Variants in GPC6 observed in about 807,000 individuals in gnomAD.
GPC6 encodes glypican-6.
A neutral mutation model predicts 55.2 loss-of-function variants in GPC6; 14 were observed. The ratio of observed to expected loss-of-function variants is 0.25; its 90% confidence interval spans 0.17 to 0.40. The LOEUF is 0.40. Among genes scored for constraint, GPC6 ranks in the 10% least tolerant of loss-of-function variants. The pLI, the probability that GPC6 is intolerant of heterozygous loss-of-function variation, is 1.00. For synonymous variants in GPC6, 278 were observed against 259.6 expected, an observed-to-expected ratio of 1.07 and a Z score of -0.68; for missense variants, 641 against 708.5, an observed-to-expected ratio of 0.90 and a Z score of 1.08.
intron 8 of GPC6, 41 bp from the exon 9 acceptor site, chr13:94,402,974 T>C (rs373225928): frequency 4.3e-6 from 6 of 1,383,586 alleles, no homozygotes; most frequent in Non-Finnish European, 4.1e-6. Flanking sequence ...AGCCTAAACA[T>C]ATCAGTGGTC....
chr13:93,335,949 T>A (rs749967265), intron 1 of GPC6, among the ~76,000 whole-genome samples: 1 of 152,228 alleles, frequency 6.6e-6, no homozygotes. Flanking sequence ...ACAAAACATA[T>A]AATACAGTGC....
intron 2 of GPC6, among the ~76,000 whole-genome samples, chr13:93,661,487 A>G (rs1880918505): frequency 6.6e-6 from 1 of 152,066 alleles, no homozygotes; most frequent in Non-Finnish European, 1.5e-5. Flanking sequence ...TGTGCTCGTG[A>G]GCCACCGTGC....
chr13:93,225,869 T>C (rs1010978645), upstream of GPC6, among the ~76,000 whole-genome samples: 16 of 152,350 alleles, frequency 1.1e-4, no homozygotes, highest in African/African-American at 3.8e-4. Context: ...CATAGCCACG[T>C]AAGTGAATAA....
intron 4 of GPC6, among the ~76,000 whole-genome samples, chr13:94,222,008 G>C (rs1890399434): frequency 6.6e-6 from 1 of 151,764 alleles, no homozygotes; most frequent in South Asian, 2.1e-4. Context: ...TCTAGTGATA[G>C]GGTTTTTTTT....
At chr13:93,759,560 A>AT (rs1382384187) in intron 2 of GPC6, among the ~76,000 whole-genome samples, 1 of 152,182 alleles carries the variant, frequency 6.6e-6, no homozygotes, top group Non-Finnish European at 1.5e-5. Flanking sequence ...TCCTATTGCC[A>AT]TAACTCACCT....
chr13:93,629,654 A>G (rs527747060), intron 2 of GPC6, among the ~76,000 whole-genome samples: 1 of 152,348 alleles, frequency 6.6e-6, no homozygotes, highest in South Asian at 2.1e-4. Flanking sequence ...TTTTATATCT[A>G]TGTCCAAAGA....
intron 3 of GPC6, among the ~76,000 whole-genome samples, chr13:93,948,635 C>A (rs533217442): frequency 3.3e-5 from 5 of 152,246 alleles, no homozygotes; most frequent in Non-Finnish European, 7.4e-5. Context: ...AGATGCAAGA[C>A]GTGTTCCTTT....
At chr13:93,909,475 A>G (rs1876849456) in intron 3 of GPC6, among the ~76,000 whole-genome samples, 1 of 152,200 alleles carries the variant, frequency 6.6e-6, no homozygotes, top group South Asian at 2.1e-4. Flanking sequence ...CTATCAAAAA[A>G]AAAGAAAAGT....
intron 3 of GPC6, among the ~76,000 whole-genome samples, chr13:93,997,761 T>C (rs969261673): frequency 1.3e-5 from 2 of 152,186 alleles, no homozygotes; most frequent in East Asian, 3.8e-4. Flanking sequence ...CCATGTTTGC[T>C]TTACACAAGG....
chr13:93,697,868 A>G (rs1441034619), intron 2 of GPC6, among the ~76,000 whole-genome samples: 1 of 152,180 alleles, frequency 6.6e-6, no homozygotes. Flanking sequence ...GTTCAAAACA[A>G]TAACATGCTT....
At chr13:93,891,841 G>A (rs1875702335) in intron 3 of GPC6, among the ~76,000 whole-genome samples, 1 of 151,854 alleles carries the variant, frequency 6.6e-6, no homozygotes. Context: ...ATATGTGTGT[G>A]TGTGTATATG....
intron 1 of GPC6, among the ~76,000 whole-genome samples, chr13:93,410,601 G>A (rs569277896): frequency 8.5e-5 from 13 of 152,096 alleles, no homozygotes; most frequent in Non-Finnish European, 1.3e-4. Flanking sequence ...AATTTATTAC[G>A]ACAAGTCAAT....
chr13:94,136,201 T>C (rs896502063), intron 4 of GPC6, among the ~76,000 whole-genome samples: 10 of 151,904 alleles, frequency 6.6e-5, no homozygotes, highest in African/African-American at 2.2e-4. Flanking sequence ...TTTTTTTTTT[T>C]TTCTTCATTT....
At chr13:93,534,787 T>C (rs1296420712) in intron 1 of GPC6, among the ~76,000 whole-genome samples, 2 of 152,190 alleles carry the variant, frequency 1.3e-5, no homozygotes, top group African/African-American at 2.4e-5. Flanking sequence ...TCATATGTCC[T>C]TGAGCTCATT....
intron 2 of GPC6, among the ~76,000 whole-genome samples, chr13:93,747,525 T>G (rs1884437393): frequency 6.6e-6 from 1 of 152,170 alleles, no homozygotes; most frequent in Admixed American, 6.5e-5. Flanking sequence ...ATCCAGCAAT[T>G]AATTTTAGTT....
chr13:94,302,686 A>T (rs1875718964), intron 5 of GPC6, among the ~76,000 whole-genome samples: 1 of 152,324 alleles, frequency 6.6e-6, no homozygotes, highest in South Asian at 2.1e-4. Context: ...TCTGAAAAAT[A>T]GCTCTTGATC....
At chr13:93,763,863 C>A (rs2138880711) in intron 2 of GPC6, among the ~76,000 whole-genome samples, 1 of 152,048 alleles carries the variant, frequency 6.6e-6, no homozygotes, top group East Asian at 1.9e-4. Flanking sequence ...CTTCACCCTG[C>A]AAGACTCTCT....
At chr13:93,455,077 C>T (rs1305542419) in intron 1 of GPC6, among the ~76,000 whole-genome samples, 1 of 152,178 alleles carries the variant, frequency 6.6e-6, no homozygotes, top group African/African-American at 2.4e-5. Context: ...CCGGCTGCTC[C>T]GAGTGCAGGG....
chr13:94,340,165 G>T (rs911735234), intron 6 of GPC6, among the ~76,000 whole-genome samples: 9 of 152,114 alleles, frequency 5.9e-5, no homozygotes, highest in Admixed American at 3.9e-4. Context: ...GGTAAAGAAT[G>T]GTTAAACGGC....
Sources: allele counts gnomAD v4.1 joint callset (sites outside exome capture counted in the v4.1 genomes callset), GRCh38; gene constraint gnomAD v4.1.1; transcripts MANE v1.5; gene names NCBI Gene and HGNC (gene_info 2026-07-23, HGNC 2026-07-21).